The following KDM4C variants were observed in gnomAD, a reference collection of about 807,000 sequenced individuals.
KDM4C encodes lysine demethylase 4C.
KDM4C carries 81 observed loss-of-function variants against 129.3 expected under a neutral mutation model. The ratio of observed to expected loss-of-function variants is 0.63; its 90% CI spans 0.52 to 0.75. The LOEUF is 0.75. KDM4C is among the 30% of genes least tolerant of loss of function. The pLI, the probability that KDM4C is intolerant of heterozygous loss-of-function variation, is 0.00. For missense variants in KDM4C, 1,457 were observed against 1,304.0 expected (o/e 1.12, Z -1.81); for synonymous variants, 573 against 456.1 (o/e 1.26, Z -3.26).
chr9:7,165,843 A>G (rs1193499391), intron 20 of KDM4C, among the ~76,000 whole-genome samples: 1 of 152,234 alleles, frequency 6.6e-6, no homozygotes, highest in African/African-American at 2.4e-5. Context: ...CAAGGAGCTG[A>G]TGGTTATCAT....
intron 8 of KDM4C, among the ~76,000 whole-genome samples, chr9:6,907,338 C>T (rs1344469616): frequency 6.6e-6 from 1 of 152,116 alleles, no homozygotes; most frequent in Non-Finnish European, 1.5e-5. Context: ...AAACCCTCAT[C>T]TTTTATGCGG....
At chr9:6,806,102 A>G (rs113895081) in intron 3 of KDM4C, among the ~76,000 whole-genome samples, 53 of 152,262 alleles carry the variant, frequency 3.5e-4, no homozygotes, top group African/African-American at 1.2e-3. Context: ...TTAAGCCTTA[A>G]ATGATTTATA....
chr9:6,796,663 C>G (rs1029379986), intron 2 of KDM4C, among the ~76,000 whole-genome samples: 2 of 152,184 alleles, frequency 1.3e-5, no homozygotes, highest in African/African-American at 4.8e-5. Flanking sequence ...ACACCTGAGT[C>G]CAGACCGTGC....
chr9:6,904,904 A>G (rs1235133129), intron 8 of KDM4C, among the ~76,000 whole-genome samples: 9 of 152,198 alleles, frequency 5.9e-5, no homozygotes, highest in Non-Finnish European at 1.3e-4. Context: ...AGAAAAAAAA[A>G]CCTAGCTTGG....
chr9:7,032,052 T>G (rs1025214297), intron 15 of KDM4C, among the ~76,000 whole-genome samples: 1 of 152,220 alleles, frequency 6.6e-6, no homozygotes, highest in Non-Finnish European at 1.5e-5. Context: ...CTGGTAACTC[T>G]TGACATCTTT....
intron 17 of KDM4C, among the ~76,000 whole-genome samples, chr9:7,053,633 A>T (rs1830507631): frequency 6.6e-6 from 1 of 152,218 alleles, no homozygotes; most frequent in South Asian, 2.1e-4. Flanking sequence ...GTCCAATTTT[A>T]AATACTTTAA....
intron 5 of KDM4C, among the ~76,000 whole-genome samples, chr9:6,865,252 AC>A (rs1841741377): frequency 6.6e-6 from 1 of 151,876 alleles, no homozygotes; most frequent in Admixed American, 6.6e-5. Context: ...TCGTGATCCG[AC>A]CGCCTTGGCC....
chr9:6,845,245 G>T (rs770554360), intron 4 of KDM4C, among the ~76,000 whole-genome samples: 4 of 152,160 alleles, frequency 2.6e-5, no homozygotes, highest in Non-Finnish European at 4.4e-5. Flanking sequence ...ACAGGGTCTT[G>T]CTCTGTCATG....
At chr9:6,951,507 A>C (rs565311618) in intron 8 of KDM4C, among the ~76,000 whole-genome samples, 1 of 152,240 alleles carries the variant, frequency 6.6e-6, no homozygotes, top group East Asian at 1.9e-4. Flanking sequence ...TCGGCTTTCT[A>C]TGAAAAAGAG....
chr9:6,912,200 C>T (rs1375795510), intron 8 of KDM4C, among the ~76,000 whole-genome samples: 1 of 152,152 alleles, frequency 6.6e-6, no homozygotes. Context: ...CCTTTCCTGC[C>T]ATTCTATGCT....
intron 17 of KDM4C, among the ~76,000 whole-genome samples, chr9:7,081,137 A>G (rs905061434): frequency 2.6e-5 from 4 of 152,218 alleles, no homozygotes; most frequent in African/African-American, 4.8e-5. Flanking sequence ...ATCTTCCTGT[A>G]AGAAAAGTAT....
At chr9:6,888,613 G>C (rs1845635888) in intron 7 of KDM4C, among the ~76,000 whole-genome samples, 1 of 152,140 alleles carries the variant, frequency 6.6e-6, no homozygotes, top group African/African-American at 2.4e-5. Context: ...TTGTGTCTGT[G>C]GGTGGTTATT....
At position 6,980,943 on chromosome 9, in the gene KDM4C, A is replaced by G. The variant is rs1407439270; in HGVS notation, c.940A>G (p.Met314Val). ...GTTTCAGTGCACTTGCAGGAAAGAC[A>G]TGGTGAAGATTTCAATGGATATCTT... The part of the protein sequence containing the change: ...VAKLCTCRKD[M>V]VKISMDIFVR... The change falls in exon 9 of 22, where the codon ATG (methionine) becomes GTG (valine). Residue 314 changes from methionine to valine, a missense_variant. Physicochemically the swap from Met to Val is conservative, Grantham distance 21 (BLOSUM62 1). Transcript: ENST00000381309. 1.2e-6 allele frequency: 2 copies of G among 1,613,682 alleles called. No homozygotes were observed. Among genetic ancestry groups the G allele is most frequent in the Non-Finnish European group, 1.7e-6 (2 of 1,179,726 alleles).
At chr9:6,882,496 T>G (rs1844607906) in intron 6 of KDM4C, among the ~76,000 whole-genome samples, 1 of 152,250 alleles carries the variant, frequency 6.6e-6, no homozygotes, top group Admixed American at 6.5e-5. Context: ...ATGCTATTAT[T>G]TTAAAAAACT....
chr9:7,136,174 T>C (rs1352567512), intron 19 of KDM4C, among the ~76,000 whole-genome samples: 2 of 152,238 alleles, frequency 1.3e-5, no homozygotes, highest in Non-Finnish European at 2.9e-5. Context: ...ACTCCCTGTC[T>C]GCATAATGTC....
intron 12 of KDM4C, among the ~76,000 whole-genome samples, chr9:6,994,242 C>G (rs755418377): frequency 6.6e-5 from 10 of 152,116 alleles, no homozygotes; most frequent in Non-Finnish European, 1.5e-4. Context: ...TGTTTACTAA[C>G]AGGCCACGGA....
intron 18 of KDM4C, among the ~76,000 whole-genome samples, chr9:7,122,250 C>A (rs1839564767): frequency 1.6e-5 from 2 of 125,468 alleles, no homozygotes; most frequent in Admixed American, 1.8e-4. Flanking sequence ...CACACACACA[C>A]ACACACACAC....
intron 17 of KDM4C, among the ~76,000 whole-genome samples, chr9:7,068,078 G>A (rs1206538740): frequency 6.6e-6 from 1 of 152,186 alleles, no homozygotes; most frequent in East Asian, 1.9e-4. Flanking sequence ...TTACAGGCGT[G>A]AGCCACCGCA....
At chr9:6,770,962 G>C (rs1217576502) in intron 1 of KDM4C, among the ~76,000 whole-genome samples, 1 of 151,326 alleles carries the variant, frequency 6.6e-6, no homozygotes, top group Admixed American at 6.6e-5. Context: ...TTTCAGTAGA[G>C]ACGGGGTTTC....
Sources: gnomAD v4.1 joint callset for allele counts (sites outside exome capture counted in the v4.1 genomes callset) on GRCh38, gnomAD v4.1.1 for gene constraint, MANE v1.5 for transcripts, NCBI Gene and HGNC (gene_info 2026-07-23, HGNC 2026-07-21) for gene names.